KAZN: variants seen among roughly 807,000 people sequenced by gnomAD.
The protein encoded by KAZN is kazrin.
KAZN carries 40 observed loss-of-function variants against 87.4 expected under a neutral mutation model. The ratio of observed to expected loss-of-function variants is 0.46; its 90% CI spans 0.36 to 0.60. The LOEUF is 0.60. Among genes scored for constraint, KAZN ranks in the 20% least tolerant of loss-of-function variants. The pLI is 0.00. For missense variants in KAZN, 898 were observed against 1,073.9 expected, an observed-to-expected ratio of 0.84 and a Z score of 2.29; for synonymous variants, 466 against 458.3, an observed-to-expected ratio of 1.02 and a Z score of -0.22.
chr1:14,618,988 G>A (rs1021321307), intron 1 of KAZN, among the ~76,000 whole-genome samples: 3 of 152,102 alleles, frequency 2.0e-5, no homozygotes, highest in Non-Finnish European at 4.4e-5. Context: ...ATACAGACAC[G>A]GCAGGACGAC....
At position 14,258,390 on chromosome 1, in the gene KAZN, A is replaced by ATTTTT. The variant is rs760768355; in HGVS notation, c.249+77811_249+77815dup. On this transcript the variant is annotated intron_variant, in intron 2 of 16. Transcript: ENST00000636203. ...GCCACCACGCCTGGCTAAATTTTGTATTTTTTTTTTTTTTTTTGTATTTTT... is the reference window on the plus strand; with the variant it reads ...GCCACCACGCCTGGCTAAATTTTGTATTTTTTTTTTTTTTTTTTTTTTGTATTTTT... Among the ~76,000 whole-genome samples, 919 of 125,462 alleles carry ATTTTT rather than the reference A, an allele frequency of 7.3e-3. 11 individuals carry two copies. The highest frequency in any genetic ancestry group is 0.02 in the African/African-American group (657 of 32,656). The allele number at this position is 125,462 out of a possible 152,430, so 82.3% of individuals were successfully genotyped here.
At chr1:14,453,064 T>C (rs1378258278) in intron 2 of KAZN, among the ~76,000 whole-genome samples, 1 of 152,164 alleles carries the variant, frequency 6.6e-6, no homozygotes, top group Non-Finnish European at 1.5e-5. Context: ...TATGCCATTC[T>C]TCTGCCTCAG....
intron 1 of KAZN, among the ~76,000 whole-genome samples, chr1:14,922,320 C>T (rs769987059): frequency 3.9e-5 from 6 of 152,116 alleles, no homozygotes; most frequent in Non-Finnish European, 7.4e-5. Flanking sequence ...CAAGGGCATT[C>T]CTAGCTTCTC....
chr1:14,755,646 T>TTTGCCAC (rs1054044269), intron 1 of KAZN, among the ~76,000 whole-genome samples: 1 of 152,160 alleles, frequency 6.6e-6, no homozygotes, highest in African/African-American at 2.4e-5. Flanking sequence ...TTCCTGCTCA[T>TTTGCCAC]TTGCCACTTT....
intron 1 of KAZN, among the ~76,000 whole-genome samples, chr1:14,725,975 G>A (rs1025359656): frequency 1.3e-5 from 2 of 152,200 alleles, no homozygotes; most frequent in Non-Finnish European, 2.9e-5. Flanking sequence ...TTGCATCTAG[G>A]TTGCACTAAA....
At chr1:14,819,102 G>A (rs756939885) in intron 1 of KAZN, among the ~76,000 whole-genome samples, 6 of 152,162 alleles carry the variant, frequency 3.9e-5, no homozygotes, top group Admixed American at 2.0e-4. Flanking sequence ...CAAGAAAGTC[G>A]ACATGTTTTC....
chr1:14,934,654 G>A (rs758984014), intron 1 of KAZN, among the ~76,000 whole-genome samples: 19 of 152,162 alleles, frequency 1.2e-4, no homozygotes, highest in South Asian at 2.1e-4. Flanking sequence ...GTTCAGCAAC[G>A]GGACAGGCTG....
intron 1 of KAZN, among the ~76,000 whole-genome samples, chr1:14,064,039 C>T (rs564465606): frequency 6.6e-6 from 1 of 152,154 alleles, no homozygotes. Flanking sequence ...CCTCAGCCTC[C>T]CGAGTAGCTG....
At chr1:14,702,097 A>G (rs1641955530) in intron 1 of KAZN, among the ~76,000 whole-genome samples, 1 of 152,174 alleles carries the variant, frequency 6.6e-6, no homozygotes, top group Non-Finnish European at 1.5e-5. Flanking sequence ...ACTCATCACC[A>G]GTGCTCAGAG....
intron 2 of KAZN, among the ~76,000 whole-genome samples, chr1:14,489,673 G>T (rs1192089015): frequency 2.0e-5 from 3 of 151,374 alleles, no homozygotes; most frequent in Non-Finnish European, 4.4e-5. Context: ...GGCAGAGTTT[G>T]CAGTGAGCCT....
In KAZN at chr1:15,065,708, G is replaced by A. The variant is rs1263225229; in HGVS notation, c.1177G>A (p.Ala393Thr). 7.4e-6 allele frequency: 12 copies of A among 1,614,098 alleles called. No homozygotes were observed. Among genetic ancestry groups the A allele is most frequent in the East Asian group, 4.5e-5 (2 of 44,898 alleles). ...ATTCGGCTCCATCTCCCGCGTCTTCGCCAGAGGGAAGCAGCGGAAGTCCCT... is the reference window on the plus strand; with the variant it reads ...ATTCGGCTCCATCTCCCGCGTCTTCACCAGAGGGAAGCAGCGGAAGTCCCT... ...MGFGSISRVF[A>T]RGKQRKSLDP... is the part of the protein sequence containing the mutation. Residue 393 changes from alanine to threonine, a missense_variant, in exon 8 of 15, where the codon GCC becomes ACC. Transcript: ENST00000376030.
chr1:13,900,557 A>C (rs935044011), intron 1 of KAZN, among the ~76,000 whole-genome samples: 2 of 152,180 alleles, frequency 1.3e-5, no homozygotes, highest in African/African-American at 4.8e-5. Flanking sequence ...CAGCGTACAC[A>C]GTGGTCTCAG....
intron 1 of KAZN, among the ~76,000 whole-genome samples, chr1:13,935,913 AATT>A (rs1256851292): frequency 7.0e-6 from 1 of 143,214 alleles, no homozygotes; most frequent in African/African-American, 2.6e-5. Flanking sequence ...GAATCAGATA[AATT>A]ATTTAATATA....
At position 14,251,668 on chromosome 1, in the gene KAZN, T is replaced by G. The variant is rs533106634; in HGVS notation, c.249+71076T>G. Among the ~76,000 whole-genome samples the G allele has an allele frequency of 3.9e-5, 5 of 129,790 alleles. No individual in the cohort carries two copies. The South Asian group carries it at 1.0e-3, about 26-fold the overall frequency. 85.1% of individuals were successfully genotyped at this position (129,790 alleles called of 152,430 possible). On this transcript the variant is annotated intron_variant, in intron 2 of 16. Transcript: ENST00000636203. ...CTTTTTTTTTTTTTTTTTTTTTTTT[T>G]GACACAGGGTCTCACTCTGTCACCA...
chr1:14,845,473 TGGATGGATGGATGAGTAAGTGGG>T (rs1648629068), intron 1 of KAZN, among the ~76,000 whole-genome samples: 1 of 148,568 alleles, frequency 6.7e-6, no homozygotes, highest in East Asian at 2.0e-4. Context: ...GACTGAGTGG[TGGATGGATGGATGAGTAAGTGGG>T]GGATGGATGG....
rs1030282773 is a variant in KAZN at position 15,099,387 on chromosome 1, C to G, written c.1548-2156C>G. Among the ~76,000 whole-genome samples, 1 of 152,206 alleles carries G rather than the reference C, an allele frequency of 6.6e-6. No individual in the cohort carries two copies. Among genetic ancestry groups the G allele is most frequent in the African/African-American group, 2.4e-5 (1 of 41,442 alleles). On this transcript the variant is annotated intron_variant, in intron 10 of 14. Coordinates refer to ENST00000376030, the MANE Select transcript of KAZN (RefSeq NM_201628.3). The surrounding 1 kb of genome is among the most constrained non-coding windows in gnomAD (Gnocchi z 5.4). ...GGACAAACCAGCAATTGCTTAGGTT[C>G]AGTATGTGATTAGAGCTTTGAAGGA...
chr1:14,982,589 C>T (rs1666368510), intron 2 of KAZN, among the ~76,000 whole-genome samples: 1 of 152,030 alleles, frequency 6.6e-6, no homozygotes. Context: ...GCCACCACGC[C>T]CAGCTAATAT....
At chr1:14,725,687 C>T (rs1643346593) in intron 1 of KAZN, among the ~76,000 whole-genome samples, 1 of 152,144 alleles carries the variant, frequency 6.6e-6, no homozygotes, top group Non-Finnish European at 1.5e-5. Flanking sequence ...ACTCAGAACC[C>T]CAGAGTCCCA....
At chr1:14,981,399 C>A (rs1666235719) in intron 2 of KAZN, among the ~76,000 whole-genome samples, 1 of 152,188 alleles carries the variant, frequency 6.6e-6, no homozygotes, top group African/African-American at 2.4e-5. Flanking sequence ...AACAGAACTC[C>A]CACTAGCTTA....
Sources: allele counts gnomAD v4.1 joint callset (sites outside exome capture counted in the v4.1 genomes callset), GRCh38; gene constraint gnomAD v4.1.1; non-coding constraint Gnocchi (gnomAD v3.1); transcripts MANE v1.5; gene names NCBI Gene and HGNC (gene_info 2026-07-23, HGNC 2026-07-21).